The following DLG5 variants were observed in gnomAD, a reference collection of about 807,000 sequenced individuals.
DLG5 encodes disks large homolog 5.
A neutral mutation model predicts 189.8 loss-of-function variants in DLG5; 48 were observed. The ratio of observed to expected loss-of-function variants is 0.25; its 90% CI spans 0.20 to 0.32. The LOEUF (loss-of-function observed/expected upper bound fraction) is 0.32, where lower values mean the gene tolerates loss of function less well. DLG5 is among the 10% of genes least tolerant of loss of function. DLG5 has a pLI of 1.00. For missense variants in DLG5, 2,160 were observed against 2,544.7 expected (o/e 0.85, Z 3.25); for synonymous variants, 1,016 against 1,054.1 (o/e 0.96, Z 0.70).
chr10:77,862,744 A>C (rs1844520106), intron 2 of DLG5, among the ~76,000 whole-genome samples: 1 of 152,214 alleles, frequency 6.6e-6, no homozygotes, highest in Admixed American at 6.5e-5. Flanking sequence ...GGGATGAATG[A>C]CTAATACAAC....
At position 77,820,976 on chromosome 10, in the gene DLG5, C is replaced by A. The variant is rs1589154061; in HGVS notation, c.3402+106G>T. The A allele has an allele frequency of 4.4e-5, 64 of 1,442,606 alleles. 1 individual carries two copies. In the South Asian group the frequency reaches 8.2e-4, roughly 19 times the overall value. 89.4% of individuals were successfully genotyped at this position (1,442,606 alleles called of 1,614,324 possible). A position where few individuals can be genotyped will look rare whatever the true frequency, so the allele number is the denominator to read the frequency against. ...CAACAGCAAAGGCAAAGGCACCAGGCTAAACAGGGGCCTGGGACACTGGTG... is the reference window on the plus strand; with the variant it reads ...CAACAGCAAAGGCAAAGGCACCAGGATAAACAGGGGCCTGGGACACTGGTG... On this transcript the variant is annotated intron_variant, in intron 15 of 31. Transcript: ENST00000372391.
Position 77,830,748 on chromosome 10 carries a change from C to T in DLG5, c.1874G>A (p.Arg625Lys), listed in dbSNP as rs535366887. 6.2e-7 allele frequency: 1 copy of T among 1,614,188 alleles called. No individual in the cohort carries two copies. The highest frequency in any genetic ancestry group is 8.5e-7 in the Non-Finnish European group (1 of 1,180,022). Residue 625 changes from arginine to lysine, a missense_variant, in exon 10 of 32, where the codon AGG (arginine) becomes AAG (lysine). By Grantham distance (26) the Arg-to-Lys change is conservative (BLOSUM62 2). Around this residue, in one of 5 missense-constraint regions of DLG5, gnomAD observed 664 missense variants for 838.5 expected, o/e 0.79. Transcript: ENST00000372391. The part of the protein sequence containing the change: ...EWETEVVEFE[R>K]ETEDIDLKAL... ...CCATCAGAGGCAGCTTACCGTCTCC[C>T]TCTCGAACTCTACAACTTCCGTTTC...
chr10:77,806,723 T>TG, intron 26 of DLG5, 35 bp downstream of exon 26: 12 of 545,980 alleles, frequency 2.2e-5, no homozygotes, highest in Non-Finnish European at 3.2e-5. Flanking sequence ...CGGCGACCCC[T>TG]GCCCCACCCC....
At chr10:77,825,374 CCACACACACACACACACACA>C (rs59102694) in intron 13 of DLG5, among the ~76,000 whole-genome samples, 2 of 130,890 alleles carry the variant, frequency 1.5e-5, no homozygotes, top group South Asian at 2.7e-4. Flanking sequence ...CCACACACAA[CCACACACACACACACACACA>C]CACACACACA....
At chr10:77,830,924 C>G in intron 9 of DLG5, 51 bp from the exon 10 acceptor site, 7 of 1,601,764 alleles carry the variant, frequency 4.4e-6, no homozygotes, top group Non-Finnish European at 6.0e-6. Context: ...TGAAACATCC[C>G]ACCGCGTAAC....
chr10:77,824,526 C>A, intron 13 of DLG5, 50 bp from the exon 14 acceptor site: 1 of 1,469,218 alleles, frequency 6.8e-7, no homozygotes, highest in Non-Finnish European at 9.5e-7. Context: ...CGGCCTCAGG[C>A]CTACCAGTCA....
At chr10:77,930,643 C>G (rs1284217024), upstream of DLG5, among the ~76,000 whole-genome samples, 1 of 150,588 alleles carries the variant, frequency 6.6e-6, no homozygotes, top group East Asian at 2.0e-4. Flanking sequence ...GCCACCAAGC[C>G]CAGCCTATTT....
At chr10:77,884,378 C>T (rs1845374296) in intron 1 of DLG5, among the ~76,000 whole-genome samples, 1 of 152,218 alleles carries the variant, frequency 6.6e-6, no homozygotes, top group Non-Finnish European at 1.5e-5. Context: ...CCATGCATCA[C>T]ACCGCCTGCC....
chr10:77,917,625 G>A (rs920581447), intron 1 of DLG5, among the ~76,000 whole-genome samples: 1 of 152,174 alleles, frequency 6.6e-6, no homozygotes, highest in African/African-American at 2.4e-5. Flanking sequence ...TGACTGTCAA[G>A]GTCTAGGGGG....
At position 77,926,645 on chromosome 10, in the gene DLG5, T is replaced by A. The variant is rs1846705194; in HGVS notation, c.-125A>T. The stretch of plus-strand genomic sequence containing the variant: ...GGGAGCCGTGAGGCGGCGGGAGCCA[T>A]GGGCCGGGGCCTGGGCGGGCTGGGG... On this transcript the variant is annotated 5_prime_UTR_variant, in exon 1 of 32. The change abolishes an upstream ATG in the 5' untranslated region. Transcript: ENST00000372391. This position sits in a 1 kb window ranked among gnomAD's most constrained non-coding sequence, Gnocchi z 5.2. The A allele has an allele frequency of 4.4e-6, 3 of 677,774 alleles. No individual in the cohort carries two copies. Among genetic ancestry groups the A allele is most frequent in the Non-Finnish European group, 5.5e-6 (3 of 542,588 alleles). 42.0% of individuals were successfully genotyped at this position (677,774 alleles called of 1,614,324 possible).
At chr10:77,896,190 C>G (rs1053339440) in intron 1 of DLG5, among the ~76,000 whole-genome samples, 20 of 151,886 alleles carry the variant, frequency 1.3e-4, no homozygotes, top group African/African-American at 4.6e-4. Flanking sequence ...ATCATAACAA[C>G]GTGTTCTAAC....
At chr10:77,935,790 C>T in the DLG5 span, among the ~76,000 whole-genome samples, 2 of 152,218 alleles carry the variant, frequency 1.3e-5, no homozygotes, top group East Asian at 1.9e-4. Flanking sequence ...AGTCTGAACA[C>T]GTGGATGTGT....
intron 13 of DLG5, among the ~76,000 whole-genome samples, chr10:77,828,483 T>C (rs1247486190): frequency 2.4e-5 from 1 of 42,366 alleles, no homozygotes; most frequent in Admixed American, 4.0e-4. Flanking sequence ...CAAGACTCCA[T>C]ATCAAAAAAA....
intron 1 of DLG5, among the ~76,000 whole-genome samples, chr10:77,880,604 C>T (rs1197259807): frequency 6.6e-6 from 1 of 152,132 alleles, no homozygotes; most frequent in Non-Finnish European, 1.5e-5. Flanking sequence ...GCTGAATCTG[C>T]ACTCCACCTA....
chr10:77,819,371 G>A lies in DLG5; in HGVS notation c.3621C>T (p.Cys1207=), dbSNP rs1169725040. The A allele has an allele frequency of 1.2e-6, 2 of 1,614,104 alleles. No individual in the cohort carries two copies. The highest frequency in any genetic ancestry group is 1.7e-6 in the Non-Finnish European group (2 of 1,180,024). ...YTVRSHRVGP[C]SSPPAARDAG... is the part of the protein sequence containing the mutation. ...CATCTCGGGCCGCAGGTGGAGAGCT[G>A]CAGGGGCCGACCCTGTGACTGCGCA... Residue 1207 remains cysteine (C), a synonymous_variant, in exon 17 of 32, where the codon TGC becomes TGT. Coordinates refer to ENST00000372391, the MANE Select transcript of DLG5 (RefSeq NM_004747.4).
At chr10:77,894,935 G>A (rs546879627) in intron 1 of DLG5, among the ~76,000 whole-genome samples, 3 of 152,312 alleles carry the variant, frequency 2.0e-5, no homozygotes, top group African/African-American at 4.8e-5. Flanking sequence ...CCAGCACAGC[G>A]GTCTTGAGGG....
intron 1 of DLG5, among the ~76,000 whole-genome samples, chr10:77,883,538 G>A (rs545861667): frequency 1.3e-5 from 2 of 152,110 alleles, no homozygotes; most frequent in Non-Finnish European, 2.9e-5. Context: ...TGAGTGACAA[G>A]CCCAGAGTCA....
chr10:77,898,494 G>A (rs886349262), intron 1 of DLG5, among the ~76,000 whole-genome samples: 1 of 152,250 alleles, frequency 6.6e-6, no homozygotes, highest in East Asian at 1.9e-4. Flanking sequence ...GGGAGCAGGG[G>A]CTGGGAGATG....
At chr10:77,792,592 A>G (rs1337140487) in intron 31 of DLG5, 49 bp from the exon 32 acceptor site, 1 of 1,570,400 alleles carries the variant, frequency 6.4e-7, no homozygotes, top group Admixed American at 1.7e-5. Context: ...GTAAGACCCC[A>G]GGTTTGAGGC....
Sources: allele counts gnomAD v4.1 joint callset (sites outside exome capture counted in the v4.1 genomes callset), GRCh38; gene constraint gnomAD v4.1.1; regional missense constraint gnomAD v4.1.1; non-coding constraint Gnocchi (gnomAD v3.1); transcripts MANE v1.5; gene names NCBI Gene and HGNC (gene_info 2026-07-23, HGNC 2026-07-21).